The following NPL variants were observed in gnomAD, a reference collection of about 807,000 sequenced individuals.
NPL encodes the protein N-acetylneuraminate pyruvate lyase.
NPL carries 32 observed loss-of-function variants against 41.1 expected under a neutral mutation model. The ratio of observed to expected loss-of-function variants is 0.78; its 90% CI spans 0.59 to 1.05. The LOEUF is 1.05. Among genes scored for constraint, NPL ranks in the 50% least tolerant of loss-of-function variants. NPL has a pLI of 0.00. For missense variants in NPL, 321 were observed against 378.4 expected, an observed-to-expected ratio of 0.85 and a Z score of 1.26; for synonymous variants, 128 against 134.9, an observed-to-expected ratio of 0.95 and a Z score of 0.35.
In NPL at chr1:182,822,122, A is replaced by G; in HGVS notation, c.661A>G (p.Asn221Asp). The G allele has an allele frequency of 6.2e-7, 1 of 1,609,870 alleles. No homozygotes were observed. The highest frequency in any genetic ancestry group is 1.3e-5 in the African/African-American group (1 of 74,964). ...TTGTTATTGTCTTGCCAGTACCTAT[A>G]ACTACCTGGGAAAAAAGACAAACCA... ...GATGAVGSTYNYLGKKTNQML... is the reference protein window; with the variant it reads ...GATGAVGSTYDYLGKKTNQML... Residue 221 changes from asparagine to aspartate, a missense_variant, in exon 11 of 13, where the codon AAC (asparagine) becomes GAC (aspartate). Coordinates refer to ENST00000367553, the MANE Select transcript of NPL (RefSeq NM_030769.3).
intron 5 of NPL, among the ~76,000 whole-genome samples, chr1:182,811,913 T>C (rs578214260): frequency 6.6e-6 from 1 of 152,262 alleles, no homozygotes; most frequent in African/African-American, 2.4e-5. Flanking sequence ...ATCAGAATCA[T>C]CCTAGGCACA....
At chr1:182,807,720 C>CAAAAAAAAAAA (rs753955697) in intron 5 of NPL, among the ~76,000 whole-genome samples, 1 of 55,428 alleles carries the variant, frequency 1.8e-5, no homozygotes, top group Non-Finnish European at 3.9e-5. Flanking sequence ...ACTAAAAATA[C>CAAAAAAAAAAA]AAAAAAAAAA....
chr1:182,829,490 G>A lies in NPL; in HGVS notation c.*582G>A. On this transcript the variant is annotated 3_prime_UTR_variant, in exon 13 of 13. Coordinates refer to ENST00000367553, the MANE Select transcript of NPL (RefSeq NM_030769.3). ...ACTTTTCGCTCTTTAAAAACACTGG[G>A]TCAGGTGAGGACTTGTTTCAGTTCC... 1 of 1,481,636 alleles carries A rather than the reference G, an allele frequency of 6.7e-7. No homozygotes were observed. Among genetic ancestry groups the A allele is most frequent in the Admixed American group, 2.4e-5 (1 of 41,298 alleles). The allele number at this position is 1,481,636 out of a possible 1,614,324, so 91.8% of individuals were successfully genotyped here.
chr1:182,810,145 G>A (rs1028545671), intron 5 of NPL, among the ~76,000 whole-genome samples: 2 of 152,158 alleles, frequency 1.3e-5, no homozygotes, highest in Non-Finnish European at 2.9e-5. Flanking sequence ...TGTCTCATGA[G>A]GGCATGTGTT....
At chr1:182,797,533 C>T (rs139224053) in intron 3 of NPL, among the ~76,000 whole-genome samples, 30 of 152,282 alleles carry the variant, frequency 2.0e-4, no homozygotes, top group African/African-American at 5.5e-4. Context: ...TCTTTGTCAC[C>T]ATACCTCTTC....
Position 182,818,850 on chromosome 1 carries a change from C to T in NPL, c.644C>T (p.Ala215Val). 6.2e-7 allele frequency: 1 copy of T among 1,614,014 alleles called. No homozygotes were observed. The highest frequency in any genetic ancestry group is 2.2e-5 in the East Asian group (1 of 44,892). The change falls in exon 10 of 13, where the codon GCA (alanine) becomes GTA (valine). Residue 215 changes from alanine to valine, a missense_variant. Transcript: ENST00000367553. ...LSALVMGATG[A>V]VGSTYNYLGK... is the part of the protein sequence containing the mutation. The stretch of plus-strand genomic sequence containing the variant: ...GCTCTGGTGATGGGAGCAACTGGAG[C>T]AGTGGGCAGGTAAGCATGACTCATT...
intron 11 of NPL, 103 bp from the exon 12 acceptor site, chr1:182,825,675 TGAA>T: frequency 1.3e-6 from 1 of 797,456 alleles, no homozygotes; most frequent in Non-Finnish European, 2.2e-6. Flanking sequence ...CTTCAGTAAA[TGAA>T]GGTGTGCAGA....
intron 5 of NPL, chr1:182,806,520 T>G: frequency 6.5e-7 from 1 of 1,536,258 alleles, no homozygotes; most frequent in East Asian, 2.4e-5. Flanking sequence ...TTACCCGTCT[T>G]TGGGCTGAAA....
chr1:182,794,247 G>A, intron 2 of NPL, 109 bp from the exon 3 acceptor site: 2 of 939,482 alleles, frequency 2.1e-6, no homozygotes, highest in East Asian at 2.4e-5. Context: ...GTGTGTTTGT[G>A]TACTTGTAAG....
At chr1:182,826,252 C>A in intron 12 of NPL, 1 of 202,246 alleles carries the variant, frequency 4.9e-6, no homozygotes, top group Non-Finnish European at 1.0e-5. Flanking sequence ...ACAAGTAAGC[C>A]TAAATGGATG....
Position 182,829,754 on chromosome 1 carries a change from G to C in NPL, c.*846G>C. On this transcript the variant is annotated 3_prime_UTR_variant, in exon 13 of 13. Coordinates refer to ENST00000367553, the MANE Select transcript of NPL (RefSeq NM_030769.3). ...CTTCCTTTCTGCAGTGAGCCCAGGG[G>C]CTAATGTTATTATCCTGTCACACTT... The C allele has an allele frequency of 1.1e-6, 1 of 915,550 alleles. No homozygotes were observed. The highest frequency in any genetic ancestry group is 1.7e-6 in the Non-Finnish European group (1 of 578,382). The allele number at this position is 915,550 out of a possible 1,614,324, so 56.7% of individuals were successfully genotyped here.
intron 3 of NPL, among the ~76,000 whole-genome samples, chr1:182,795,043 A>G (rs1308296350): frequency 6.6e-6 from 1 of 152,216 alleles, no homozygotes; most frequent in Non-Finnish European, 1.5e-5. Flanking sequence ...ACCCCAAGCA[A>G]GTATTTTGAC....
intron 3 of NPL, chr1:182,795,881 C>T (rs1666647899): frequency 6.6e-6 from 1 of 152,226 alleles, no homozygotes; most frequent in East Asian, 1.9e-4. Flanking sequence ...GCATCTGGTC[C>T]ATACTACTTT....
At chr1:182,826,303 C>T (rs564665269) in intron 12 of NPL, 13 of 170,436 alleles carry the variant, frequency 7.6e-5, no homozygotes, top group South Asian at 5.8e-4. Flanking sequence ...GGGGAGCAGT[C>T]GTGGGGAGAA....
intron 10 of NPL, among the ~76,000 whole-genome samples, chr1:182,819,972 C>A (rs1667444432): frequency 6.6e-6 from 1 of 152,232 alleles, no homozygotes; most frequent in Non-Finnish European, 1.5e-5. Context: ...ATCTCAATAG[C>A]CAAGGCAGAT....
intron 10 of NPL, 30 bp downstream of exon 10, chr1:182,818,889 A>G: frequency 6.2e-7 from 1 of 1,603,680 alleles, no homozygotes; most frequent in Non-Finnish European, 8.5e-7. Context: ...CCCAGTGGTT[A>G]TAAAGTCCCC....
intron 3 of NPL, among the ~76,000 whole-genome samples, chr1:182,800,269 C>T (rs1414168936): frequency 6.6e-6 from 1 of 151,704 alleles, no homozygotes; most frequent in African/African-American, 2.4e-5. Flanking sequence ...AACCCTGTCT[C>T]TACAAAAAAT....
intron 7 of NPL, among the ~76,000 whole-genome samples, chr1:182,816,277 C>G (rs560741105): frequency 7.2e-5 from 11 of 152,348 alleles, no homozygotes; most frequent in African/African-American, 2.6e-4. Context: ...TAATTTCCCT[C>G]TTGAAGCAGA....
chr1:182,795,766 A>G (rs1359396067), intron 3 of NPL: 1 of 152,194 alleles, frequency 6.6e-6, no homozygotes, highest in Admixed American at 6.5e-5. Flanking sequence ...TTCTCAATGC[A>G]TCAGTCACTT....
Sources: allele counts gnomAD v4.1 joint callset (sites outside exome capture counted in the v4.1 genomes callset), GRCh38; gene constraint gnomAD v4.1.1; transcripts MANE v1.5; gene names NCBI Gene and HGNC (gene_info 2026-07-23, HGNC 2026-07-21).